DCTN5: variants seen among roughly 807,000 people sequenced by gnomAD.
DCTN5 encodes the protein dynactin 4.
DCTN5 carries 14 observed loss-of-function variants against 23.5 expected under a neutral mutation model. The ratio of observed to expected loss-of-function variants is 0.60; its 90% CI spans 0.39 to 0.93. The LOEUF (loss-of-function observed/expected upper bound fraction) is 0.93, where lower values mean the gene tolerates loss of function less well. DCTN5 is among the 40% of genes least tolerant of loss of function. DCTN5 has a pLI of 0.00. For missense variants in DCTN5, 156 were observed against 225.9 expected (o/e 0.69, Z 1.98); for synonymous variants, 67 against 79.6 (o/e 0.84, Z 0.84).
chr16:23,673,965 C>T lies in DCTN5; in HGVS notation c.*6821C>T, dbSNP rs1968052992. Reference sequence around the variant, plus strand: ...TTTTTTTGAGTGGGTCAATTGGACTCTAAGACCAACAAGATAAAAAGGCAG... The same window carrying T: ...TTTTTTTGAGTGGGTCAATTGGACTTTAAGACCAACAAGATAAAAAGGCAG... On this transcript the variant is annotated 3_prime_UTR_variant, in exon 6 of 6. Coordinates refer to ENST00000300087, the MANE Select transcript of DCTN5 (RefSeq NM_032486.4). 6.6e-6 allele frequency: 1 copy of T among 152,168 alleles called. No individual in the cohort carries two copies. The highest frequency in any genetic ancestry group is 1.5e-5 in the Non-Finnish European group (1 of 68,028). 9.4% of individuals were successfully genotyped at this position (152,168 alleles called of 1,614,324 possible). A position where few individuals can be genotyped will look rare whatever the true frequency, so the allele number is the denominator to read the frequency against.
rs1051598473 is a variant in DCTN5 at position 23,668,541 on chromosome 16, G to C, written c.*1397G>C. On this transcript the variant is annotated 3_prime_UTR_variant, in exon 6 of 6. Coordinates refer to ENST00000300087, the MANE Select transcript of DCTN5 (RefSeq NM_032486.4). ...GTCATCAGGCACCCAGGTTCCTACT[G>C]TCTTGCCATGTGGCCACAGTTAGCA... is the stretch of plus-strand genomic sequence containing the variant. 1 of 152,258 alleles carries C rather than the reference G, an allele frequency of 6.6e-6. No homozygotes were observed. The highest frequency in any genetic ancestry group is 1.5e-5 in the Non-Finnish European group (1 of 68,058). The allele number at this position is 152,258 out of a possible 1,614,324, so 9.4% of individuals were successfully genotyped here.
chr16:23,658,183 A>G (rs1205820629), intron 2 of DCTN5, among the ~76,000 whole-genome samples: 1 of 152,226 alleles, frequency 6.6e-6, no homozygotes, highest in Non-Finnish European at 1.5e-5. Context: ...CTTGGGGGGC[A>G]TGAGGACTTA....
At chr16:23,652,914 G>A (rs1330766465) in intron 2 of DCTN5, among the ~76,000 whole-genome samples, 1 of 152,142 alleles carries the variant, frequency 6.6e-6, no homozygotes, top group Non-Finnish European at 1.5e-5. Flanking sequence ...AGGCCAAGGT[G>A]GGAAGATCTC....
intron 2 of DCTN5, among the ~76,000 whole-genome samples, chr16:23,645,127 A>AT (rs1967421100): frequency 7.4e-5 from 2 of 27,118 alleles, no homozygotes; most frequent in African/African-American, 4.1e-4. Flanking sequence ...ATATATATAT[A>AT]TATATATATA....
intron 2 of DCTN5, among the ~76,000 whole-genome samples, chr16:23,646,508 C>T (rs767387680): frequency 4.0e-5 from 6 of 151,760 alleles, no homozygotes; most frequent in South Asian, 2.1e-4. Flanking sequence ...GATTTACTGC[C>T]GTGTTTTCTT....
intron 2 of DCTN5, among the ~76,000 whole-genome samples, chr16:23,652,607 T>C (rs1967625908): frequency 6.6e-6 from 1 of 152,222 alleles, no homozygotes; most frequent in African/African-American, 2.4e-5. Context: ...AATCAAGATA[T>C]AGAATACATT....
At chr16:23,661,825 C>T (rs990700859) in intron 4 of DCTN5, among the ~76,000 whole-genome samples, 2 of 151,968 alleles carry the variant, frequency 1.3e-5, no homozygotes, top group Non-Finnish European at 2.9e-5. Flanking sequence ...TGATGTTAAA[C>T]TCTTTCCTTT....
intron 2 of DCTN5, among the ~76,000 whole-genome samples, chr16:23,645,881 T>G (rs897336756): frequency 6.6e-6 from 1 of 152,200 alleles, no homozygotes; most frequent in Non-Finnish European, 1.5e-5. Context: ...TGTCTTCAGT[T>G]TTTTTGAGTA....
intron 4 of DCTN5, among the ~76,000 whole-genome samples, chr16:23,661,896 A>T (rs1475894069): frequency 2.6e-5 from 4 of 152,010 alleles, no homozygotes; most frequent in African/African-American, 7.2e-5. Context: ...CTATTTGCAG[A>T]TGAGAAGACT....
intron 2 of DCTN5, among the ~76,000 whole-genome samples, chr16:23,647,232 A>C (rs957108918): frequency 2.0e-5 from 3 of 151,742 alleles, no homozygotes. Context: ...TCTCAGGTTC[A>C]AGTAATTCTC....
Position 23,645,108 on chromosome 16 carries a change from T to TATATATAC in DCTN5, c.117+2092_117+2093insCATATATA, listed in dbSNP as rs1967409866. 9.5e-4 allele frequency among the ~76,000 whole-genome samples: 33 copies of TATATATAC among 34,708 alleles called. 1 individual carries two copies. The South Asian group carries it at 0.027, about 29-fold the overall frequency. The allele number at this position is 34,708 out of a possible 152,430, so 22.8% of individuals were successfully genotyped here. A position where few individuals can be genotyped will look rare whatever the true frequency, so the allele number is the denominator to read the frequency against. ...CTATATATATATATATATATATATATATATATATATATATATATATATATA... is the reference window on the plus strand; with the variant it reads ...CTATATATATATATATATATATATATATATATACATATATATATATATATATATATATA... On this transcript the variant is annotated intron_variant, in intron 2 of 5. Coordinates refer to ENST00000300087, the MANE Select transcript of DCTN5 (RefSeq NM_032486.4).
In DCTN5 at chr16:23,665,718, A is replaced by G. The variant is rs1967893680; in HGVS notation, c.441A>G (p.Ser147=). Reference sequence around the variant, plus strand: ...TGGTTCCACCATTCACTGTCTTCTCAGGCTGCCCAGGTAACCTTGGCTGTT... The same window carrying G: ...TGGTTCCACCATTCACTGTCTTCTCGGGCTGCCCAGGTAACCTTGGCTGTT... ...ETVVPPFTVF[S]GCPGLFSGEL... is the part of the protein sequence containing the mutation. The change falls in exon 5 of 6, where the codon TCA becomes TCG. Residue 147 remains serine (S), a synonymous_variant. Transcript: ENST00000300087. 1.9e-6 allele frequency: 3 copies of G among 1,613,278 alleles called. No homozygotes were observed. In the South Asian group the frequency reaches 3.3e-5, roughly 18 times the overall value.
chr16:23,642,568 G>A (rs1967313142), intron 1 of DCTN5: 1 of 166,824 alleles, frequency 6.0e-6, no homozygotes, highest in African/African-American at 2.4e-5. Context: ...TTGCAGCCTC[G>A]GCCTTCCAGG....
chr16:23,659,895 G>A lies in DCTN5; in HGVS notation c.236+1270G>A, dbSNP rs1299557493. Among the ~76,000 whole-genome samples, 4 of 152,186 alleles carry A rather than the reference G, an allele frequency of 2.6e-5. No homozygotes were observed. In the East Asian group the frequency reaches 7.7e-4, roughly 29 times the overall value. On this transcript the variant is annotated intron_variant, in intron 3 of 5. Transcript: ENST00000300087. ...AGAAATGTTGATTAACAGCATTGTT[G>A]GGTTGGATATGGCACAGGAAAAGCA...
chr16:23,662,151 A>C (rs1347712211), intron 4 of DCTN5, among the ~76,000 whole-genome samples: 1 of 152,072 alleles, frequency 6.6e-6, no homozygotes, highest in Non-Finnish European at 1.5e-5. Context: ...CCATGCTGCT[A>C]TATGGCCTAC....
intron 2 of DCTN5, among the ~76,000 whole-genome samples, chr16:23,648,854 ATTTTTTGT>A (rs1322181425): frequency 7.6e-6 from 1 of 132,012 alleles, no homozygotes; most frequent in African/African-American, 2.9e-5. Flanking sequence ...ATGATTAGTG[ATTTTTTGT>A]TTGTTTGTTT....
In DCTN5 at chr16:23,676,736, G is replaced by C. The variant is rs1959229478; in HGVS notation, c.*9592G>C. 3 of 152,212 alleles carry C rather than the reference G, an allele frequency of 2.0e-5. No individual in the cohort carries two copies. Among genetic ancestry groups the C allele is most frequent in the Admixed American group, 2.0e-4 (3 of 15,280 alleles). 9.4% of individuals were successfully genotyped at this position (152,212 alleles called of 1,614,324 possible). A position where few individuals can be genotyped will look rare whatever the true frequency, so the allele number is the denominator to read the frequency against. The stretch of plus-strand genomic sequence containing the variant: ...TGGTCCTACTAATAATAATTTTGCT[G>C]TAAAGAAGCCTCAATAAGGAGATGG... On this transcript the variant is annotated 3_prime_UTR_variant, in exon 6 of 6. Transcript: ENST00000300087.
intron 4 of DCTN5, among the ~76,000 whole-genome samples, chr16:23,661,839 G>T (rs1021143778): frequency 6.6e-6 from 1 of 152,040 alleles, no homozygotes; most frequent in African/African-American, 2.4e-5. Context: ...TTCCTTTGAT[G>T]ATTTCATTTA....
rs780715477 is a variant in DCTN5, at chr16:23,655,104, C to T, written c.118-3403C>T. Among the ~76,000 whole-genome samples, 15 of 152,218 alleles carry T rather than the reference C, an allele frequency of 9.9e-5. No individual in the cohort carries two copies. The East Asian group carries it at 1.7e-3, about 18-fold the overall frequency. On this transcript the variant is annotated intron_variant, in intron 2 of 5. Transcript: ENST00000300087. Reference sequence around the variant, plus strand: ...ACTCTTTTATGTCAAGCTTTTTTCACGCAGCATAATGTTTTTGAGATGTAT... The same window carrying T: ...ACTCTTTTATGTCAAGCTTTTTTCATGCAGCATAATGTTTTTGAGATGTAT...
Sources: allele counts gnomAD v4.1 joint callset (sites outside exome capture counted in the v4.1 genomes callset), GRCh38; gene constraint gnomAD v4.1.1; transcripts MANE v1.5; gene names NCBI Gene and HGNC (gene_info 2026-07-23, HGNC 2026-07-21).